The following ZNF487 variants were observed in gnomAD, a reference collection of about 807,000 sequenced individuals.
The protein encoded by ZNF487 is zinc finger protein 487, also known as KRAB domain only 1.
A neutral mutation model predicts 3.0 loss-of-function variants in ZNF487; 4 were observed. That is an observed-to-expected ratio of 1.35 (90% CI 0.66 to 3.08). The LOEUF (loss-of-function observed/expected upper bound fraction) is 3.08, where lower values mean the gene tolerates loss of function less well. Among genes scored for constraint, ZNF487 ranks in the 30% most tolerant of loss-of-function variants. ZNF487 has a pLI of 0.01. For synonymous variants in ZNF487, 55 were observed against 34.6 expected, an observed-to-expected ratio of 1.59 and a Z score of -2.06; for missense variants, 146 against 98.7, an observed-to-expected ratio of 1.48 and a Z score of -2.03.
At chr10:43,445,437 G>C (rs980154166) in intron 1 of ZNF487, among the ~76,000 whole-genome samples, 3 of 152,074 alleles carry the variant, frequency 2.0e-5, no homozygotes, top group African/African-American at 7.2e-5. Context: ...GGATATTTTT[G>C]TATTCCTGTG....
chr10:43,467,852 G>C (rs1308060334), intron 1 of ZNF487, among the ~76,000 whole-genome samples: 1 of 151,930 alleles, frequency 6.6e-6, no homozygotes, highest in Non-Finnish European at 1.5e-5. Context: ...AATTTGTAAG[G>C]CTATAGCTGG....
intron 1 of ZNF487, among the ~76,000 whole-genome samples, chr10:43,471,663 C>T (rs1228727590): frequency 6.6e-6 from 1 of 152,168 alleles, no homozygotes; most frequent in Non-Finnish European, 1.5e-5. Context: ...GGCAGGTTGC[C>T]TTCCCTGAGG....
the ZNF487 span, chr10:43,495,982 T>G: frequency 1.9e-6 from 1 of 520,748 alleles, no homozygotes; most frequent in Non-Finnish European, 3.9e-6. Context: ...TTTGTTGTAG[T>G]CACTGTAAAA....
intron 1 of ZNF487, among the ~76,000 whole-genome samples, chr10:43,475,168 C>G (rs531789525): frequency 2.6e-5 from 4 of 152,136 alleles, no homozygotes; most frequent in Non-Finnish European, 5.9e-5. Flanking sequence ...TCCGGGGACC[C>G]TCCCTTATCT....
the ZNF487 span, among the ~76,000 whole-genome samples, chr10:43,493,342 C>T: frequency 4.6e-5 from 7 of 152,190 alleles, no homozygotes; most frequent in African/African-American, 1.7e-4. Flanking sequence ...TACCACCCCT[C>T]CAACACCTGT....
the ZNF487 span, among the ~76,000 whole-genome samples, chr10:43,503,472 A>G: frequency 2.6e-5 from 4 of 152,240 alleles, no homozygotes; most frequent in Non-Finnish European, 5.9e-5. Context: ...TACAATGTTT[A>G]TAAAGTCTAG....
intron 1 of ZNF487, among the ~76,000 whole-genome samples, chr10:43,441,650 G>C (rs1297818639): frequency 1.3e-5 from 2 of 151,996 alleles, no homozygotes; most frequent in Non-Finnish European, 2.9e-5. Flanking sequence ...GCAGTGGTGC[G>C]ATCTCGGCTC....
At chr10:43,464,987 C>A (rs1428577704) in intron 1 of ZNF487, among the ~76,000 whole-genome samples, 2 of 151,140 alleles carry the variant, frequency 1.3e-5, no homozygotes, top group East Asian at 4.0e-4. Context: ...GGGCGGCTGG[C>A]TGGGCGGGGG....
intron 2 of ZNF487, 41 bp from the exon 3 acceptor site, chr10:43,476,066 C>T (rs1014662123): frequency 2.8e-6 from 2 of 713,574 alleles, no homozygotes; most frequent in Admixed American, 2.0e-5. Flanking sequence ...TTGTCCTCCG[C>T]AGGCTATCTG....
Position 43,455,499 on chromosome 10 carries a change from G to A in ZNF487, c.-94+18237G>A, listed in dbSNP as rs568437849. 3.4e-4 allele frequency among the ~76,000 whole-genome samples: 52 copies of A among 152,374 alleles called. 1 individual carries two copies. Among genetic ancestry groups the A allele is most frequent in the African/African-American group, 1.3e-3 (52 of 41,598 alleles). ...CATGCCTGCCGTGCAGGCGTCCTTT[G>A]CGGTCTTTTGTCCACGTCCGGGTCA... On this transcript the variant is annotated intron_variant, in intron 1 of 3. Coordinates refer to ENST00000437590, the MANE Select transcript of ZNF487 (RefSeq NM_001355444.3).
the ZNF487 span, among the ~76,000 whole-genome samples, chr10:43,490,867 T>G: frequency 6.7e-6 from 1 of 150,248 alleles, no homozygotes; most frequent in South Asian, 2.1e-4. Flanking sequence ...AGAGATGGGG[T>G]TTCTCCATGT....
intron 1 of ZNF487, among the ~76,000 whole-genome samples, chr10:43,474,911 A>G (rs987342497): frequency 6.6e-6 from 1 of 152,028 alleles, no homozygotes; most frequent in African/African-American, 2.4e-5. Flanking sequence ...AATTTTTTAA[A>G]AAATATCAAT....
At chr10:43,448,559 T>G (rs1839895214) in intron 1 of ZNF487, among the ~76,000 whole-genome samples, 1 of 152,010 alleles carries the variant, frequency 6.6e-6, no homozygotes. Context: ...CTCCTGCCTG[T>G]AATCCCAGCA....
chr10:43,443,895 CA>C (rs1455681287), intron 1 of ZNF487, among the ~76,000 whole-genome samples: 5 of 151,182 alleles, frequency 3.3e-5, no homozygotes, highest in Non-Finnish European at 7.4e-5. Flanking sequence ...CTCTGTCACC[CA>C]GGCTGGAGTG....
downstream of ZNF487, among the ~76,000 whole-genome samples, chr10:43,487,127 T>C (rs961621962): frequency 4.7e-5 from 7 of 148,560 alleles, no homozygotes; most frequent in South Asian, 1.5e-3. Flanking sequence ...CATATTCTAG[T>C]CACTAAGAAT....
chr10:43,474,690 C>T (rs1013699055), intron 1 of ZNF487, among the ~76,000 whole-genome samples: 2 of 152,050 alleles, frequency 1.3e-5, no homozygotes, highest in African/African-American at 4.8e-5. Flanking sequence ...TCAAGTGATT[C>T]TCCTGTCTCA....
At chr10:43,507,760 G>C in the ZNF487 span, among the ~76,000 whole-genome samples, 1 of 152,146 alleles carries the variant, frequency 6.6e-6, no homozygotes, top group South Asian at 2.1e-4. Context: ...TGGAGATATT[G>C]ATTGGCCCTC....
intron 1 of ZNF487, among the ~76,000 whole-genome samples, chr10:43,449,286 G>A (rs1275811494): frequency 2.0e-5 from 3 of 151,982 alleles, no homozygotes; most frequent in African/African-American, 4.8e-5. Context: ...GCGACAGAGC[G>A]AGACTCTGTC....
intron 1 of ZNF487, among the ~76,000 whole-genome samples, chr10:43,460,494 G>T (rs1393098606): frequency 6.7e-6 from 1 of 148,654 alleles, no homozygotes; most frequent in Non-Finnish European, 1.5e-5. Context: ...TCATACCTCA[G>T]CCTCCTGAGT....
Sources: allele counts gnomAD v4.1 joint callset (sites outside exome capture counted in the v4.1 genomes callset), GRCh38; gene constraint gnomAD v4.1.1; transcripts MANE v1.5; gene names NCBI Gene and HGNC (gene_info 2026-07-23, HGNC 2026-07-21).